FRMD4B: variants seen among roughly 807,000 people sequenced by gnomAD.
FRMD4B encodes FERM domain-containing protein 4B.
In FRMD4B, 74 loss-of-function variants were observed where a neutral mutation model predicts 141.5. The ratio of observed to expected loss-of-function variants is 0.52; its 90% CI spans 0.43 to 0.63. The LOEUF is 0.63. Among genes scored for constraint, FRMD4B ranks in the 30% least tolerant of loss-of-function variants. The pLI is 0.00. For synonymous variants in FRMD4B, 506 were observed against 467.9 expected (o/e 1.08, Z -1.05); for missense variants, 1,366 against 1,253.4 (o/e 1.09, Z -1.36).
chr3:69,345,934 T>C (rs1188658561), intron 1 of FRMD4B, among the ~76,000 whole-genome samples: 2 of 151,910 alleles, frequency 1.3e-5, no homozygotes, highest in Non-Finnish European at 2.9e-5. Context: ...CCTCCCCACC[T>C]CCAAAGGAAC....
intron 1 of FRMD4B, among the ~76,000 whole-genome samples, chr3:69,518,604 A>G (rs1700801829): frequency 6.6e-6 from 1 of 152,164 alleles, no homozygotes; most frequent in African/African-American, 2.4e-5. Context: ...AGAATGTAAC[A>G]CCTGGTGTTA....
At chr3:69,457,508 G>A (rs939603365) in intron 1 of FRMD4B, among the ~76,000 whole-genome samples, 10 of 152,194 alleles carry the variant, frequency 6.6e-5, no homozygotes, top group African/African-American at 2.4e-4. Context: ...TTGGGGTCCT[G>A]GGAGTGTGTC....
chr3:69,499,143 C>A lies in FRMD4B; in HGVS notation c.-129+43063G>T, dbSNP rs564891677. Among the ~76,000 whole-genome samples, 5 of 152,250 alleles carry A rather than the reference C, an allele frequency of 3.3e-5. No homozygotes were observed. In the East Asian group the frequency reaches 9.6e-4, roughly 29 times the overall value. On this transcript the variant is annotated intron_variant, in intron 1 of 5. Coordinates refer to the FRMD4B transcript ENST00000459638. Reference sequence around the variant, plus strand: ...GGTCCTGAGGCAGGAATCAACTTGGCAGACTTTACAACAGGAGACAGAAAA... The same window carrying A: ...GGTCCTGAGGCAGGAATCAACTTGGAAGACTTTACAACAGGAGACAGAAAA...
At chr3:69,466,401 A>T (rs190504273) in intron 1 of FRMD4B, among the ~76,000 whole-genome samples, 9 of 152,128 alleles carry the variant, frequency 5.9e-5, no homozygotes, top group Admixed American at 4.6e-4. Context: ...TTTGATTAGA[A>T]ACTGGATTAT....
At chr3:69,368,758 A>G (rs1240669646) in intron 1 of FRMD4B, among the ~76,000 whole-genome samples, 1 of 152,180 alleles carries the variant, frequency 6.6e-6, no homozygotes, top group African/African-American at 2.4e-5. Flanking sequence ...CCTGGGCTCA[A>G]GCAATCCTCC....
At chr3:69,379,904 C>T (rs569343372) in intron 1 of FRMD4B, among the ~76,000 whole-genome samples, 5 of 152,294 alleles carry the variant, frequency 3.3e-5, no homozygotes, top group South Asian at 2.1e-4. Context: ...GAGGCAAGCC[C>T]GACTTTGCCC....
At chr3:69,246,183 C>A (rs1256016704) in intron 7 of FRMD4B, among the ~76,000 whole-genome samples, 4 of 152,096 alleles carry the variant, frequency 2.6e-5, no homozygotes, top group Non-Finnish European at 2.9e-5. Flanking sequence ...AGGCAGGGTG[C>A]GATGGCTTGC....
chr3:69,528,880 G>C (rs780284697), intron 1 of FRMD4B, among the ~76,000 whole-genome samples: 20 of 151,796 alleles, frequency 1.3e-4, no homozygotes, highest in Non-Finnish European at 5.9e-5. Flanking sequence ...TCTGGGAAAA[G>C]GTGTACAATA....
chr3:69,364,302 G>A lies in FRMD4B; in HGVS notation c.162+21526C>T, dbSNP rs143697750. Reference sequence around the variant, plus strand: ...GACAGGAACATGCAAGTTTAGCCAAGCTGAACCAGGGGACAGACAGAGGAC... The same window carrying A: ...GACAGGAACATGCAAGTTTAGCCAAACTGAACCAGGGGACAGACAGAGGAC... On this transcript the variant is annotated intron_variant, in intron 1 of 22. Coordinates refer to ENST00000398540, the MANE Select transcript of FRMD4B (RefSeq NM_015123.3). Among the ~76,000 whole-genome samples the A allele has an allele frequency of 1.3e-3, 197 of 152,328 alleles. 1 individual carries two copies. The highest frequency in any genetic ancestry group is 1.8e-3 in the Non-Finnish European group (124 of 68,036).
intron 1 of FRMD4B, among the ~76,000 whole-genome samples, chr3:69,484,194 G>A (rs1706176848): frequency 6.6e-6 from 1 of 152,176 alleles, no homozygotes; most frequent in Admixed American, 6.5e-5. Context: ...AATACAAGGA[G>A]TGAAGAGCAA....
chr3:69,481,954 C>T (rs1299208341), intron 1 of FRMD4B, among the ~76,000 whole-genome samples: 1 of 152,156 alleles, frequency 6.6e-6, no homozygotes, highest in African/African-American at 2.4e-5. Context: ...GCAGAAAATC[C>T]CACAAATGTG....
intron 1 of FRMD4B, among the ~76,000 whole-genome samples, chr3:69,463,023 G>A (rs975679268): frequency 2.0e-5 from 3 of 152,160 alleles, no homozygotes; most frequent in Admixed American, 6.6e-5. Flanking sequence ...CCCTGGGATT[G>A]CACTCCCCAA....
chr3:69,528,364 CTCT>C (rs1346417241), intron 1 of FRMD4B, among the ~76,000 whole-genome samples: 1 of 148,604 alleles, frequency 6.7e-6, no homozygotes, highest in African/African-American at 2.5e-5. Flanking sequence ...CTTTCTCTCT[CTCT>C]TTTTTTTCTT....
At chr3:69,207,264 C>T (rs570222435) in intron 11 of FRMD4B, among the ~76,000 whole-genome samples, 25 of 148,588 alleles carry the variant, frequency 1.7e-4, no homozygotes, top group Non-Finnish European at 3.4e-4. Context: ...ATCATTATGA[C>T]TCTGCACTCC....
chr3:69,524,565 A>C (rs1354546843), intron 1 of FRMD4B, among the ~76,000 whole-genome samples: 7 of 152,346 alleles, frequency 4.6e-5, no homozygotes, highest in African/African-American at 1.7e-4. Context: ...GTCTGGCAGC[A>C]GCTGGGGGCT....
chr3:69,191,584 G>A (rs995896439), intron 17 of FRMD4B, among the ~76,000 whole-genome samples: 1 of 152,100 alleles, frequency 6.6e-6, no homozygotes, highest in African/African-American at 2.4e-5. Flanking sequence ...AGACCATTAT[G>A]AAGGGAAGCT....
intron 1 of FRMD4B, among the ~76,000 whole-genome samples, chr3:69,502,890 T>G (rs1706524458): frequency 6.6e-6 from 1 of 152,174 alleles, no homozygotes; most frequent in Non-Finnish European, 1.5e-5. Context: ...GAACAGACAC[T>G]TCTCAAGAGA....
At chr3:69,529,066 G>A (rs1440591365) in intron 1 of FRMD4B, among the ~76,000 whole-genome samples, 1 of 152,094 alleles carries the variant, frequency 6.6e-6, no homozygotes, top group African/African-American at 2.4e-5. Flanking sequence ...AAGTGAAGCT[G>A]GTATGCACGA....
chr3:69,527,856 A>G (rs1348036016), intron 1 of FRMD4B, among the ~76,000 whole-genome samples: 1 of 152,212 alleles, frequency 6.6e-6, no homozygotes, highest in East Asian at 1.9e-4. Flanking sequence ...AGGTCAAAAC[A>G]ATTCACCAGT....
Sources: allele counts gnomAD v4.1 joint callset (sites outside exome capture counted in the v4.1 genomes callset), GRCh38; gene constraint gnomAD v4.1.1; transcripts MANE v1.5; gene names NCBI Gene and HGNC (gene_info 2026-07-23, HGNC 2026-07-21).